Variants in PIAS4 observed in about 807,000 individuals in gnomAD.
PIAS4 encodes the protein E3 SUMO-protein ligase PIAS4.
Under a neutral mutation model 58.0 loss-of-function variants are expected in PIAS4, and 7 were observed. The ratio of observed to expected loss-of-function variants is 0.12; its 90% CI spans 0.07 to 0.23. The LOEUF (loss-of-function observed/expected upper bound fraction) is 0.23, where lower values mean the gene tolerates loss of function less well. PIAS4 is among the 10% of genes least tolerant of loss of function. The pLI is 1.00. For synonymous variants in PIAS4, 364 were observed against 312.4 expected (o/e 1.17, Z -1.74); for missense variants, 550 against 709.5 (o/e 0.78, Z 2.55).
At chr19:4,032,840 G>C (rs1021950859) in intron 7 of PIAS4, among the ~76,000 whole-genome samples, 3 of 152,214 alleles carry the variant, frequency 2.0e-5, no homozygotes, top group Non-Finnish European at 1.5e-5. Flanking sequence ...CACGCAGGGT[G>C]GGGGAGGCCA....
chr19:4,017,028 C>A (rs2040059405), intron 2 of PIAS4, among the ~76,000 whole-genome samples: 1 of 152,152 alleles, frequency 6.6e-6, no homozygotes, highest in South Asian at 2.1e-4. Flanking sequence ...GGCCTGCTGC[C>A]CGCCCAGGCC....
chr19:4,029,575 C>T (rs2040202822), intron 7 of PIAS4, among the ~76,000 whole-genome samples: 5 of 151,224 alleles, frequency 3.3e-5, no homozygotes, highest in Admixed American at 2.6e-4. Context: ...TTTAGAGAGT[C>T]AGGGTCTCTG....
At chr19:4,026,768 C>T (rs2040169088) in intron 3 of PIAS4, among the ~76,000 whole-genome samples, 1 of 151,692 alleles carries the variant, frequency 6.6e-6, no homozygotes, top group Non-Finnish European at 1.5e-5. Flanking sequence ...CTGCAATCTC[C>T]GCCTCCCAGG....
At chr19:4,028,390 C>T (rs985300269) in intron 4 of PIAS4, 120 bp from the exon 5 acceptor site, 10 of 829,014 alleles carry the variant, frequency 1.2e-5, no homozygotes, top group Admixed American at 2.1e-5. Flanking sequence ...TGATACCCCC[C>T]GTGTCACATT....
intron 9 of PIAS4, among the ~76,000 whole-genome samples, chr19:4,035,869 TCTCA>T (rs1599234195): frequency 6.8e-3 from 17 of 2,488 alleles, no homozygotes; most frequent in South Asian, 0.019. Context: ...GTCCACACCG[TCTCA>T]CACACACACC....
intron 1 of PIAS4, among the ~76,000 whole-genome samples, chr19:4,011,325 C>T (rs1312936322): frequency 6.6e-6 from 1 of 152,232 alleles, no homozygotes; most frequent in Non-Finnish European, 1.5e-5. Context: ...GGGTGGGTGG[C>T]CCTGAAACCC....
rs2040243322 is a variant in PIAS4, at chr19:4,033,443, G to A, written c.1005G>A (p.Val335=). ...ICPLVKMRLS[V]PCRAETCAHL... is the part of the protein sequence containing the mutation. ...AGCTGGTGAAGATGCGGCTCTCCGT[G>A]CCCTGCCGGGCAGAGACCTGTGCCC... The change falls in exon 9 of 11, where the codon GTG becomes GTA. Residue 335 remains valine (V), a synonymous_variant. Coordinates refer to ENST00000262971, the MANE Select transcript of PIAS4 (RefSeq NM_015897.4). 6.4e-7 allele frequency: 1 copy of A among 1,559,772 alleles called. No individual in the cohort carries two copies. Among genetic ancestry groups the A allele is most frequent in the Non-Finnish European group, 8.7e-7 (1 of 1,152,754 alleles).
intron 2 of PIAS4, chr19:4,018,606 G>A (rs1024055945): frequency 6.6e-6 from 1 of 152,316 alleles, no homozygotes; most frequent in South Asian, 2.1e-4. Flanking sequence ...CCTTGCCTTG[G>A]TCCCGTGGCC....
intron 1 of PIAS4, among the ~76,000 whole-genome samples, chr19:4,012,431 T>C (rs989392329): frequency 5.3e-5 from 8 of 152,086 alleles, no homozygotes; most frequent in African/African-American, 1.4e-4. Flanking sequence ...CTAAGTAAAC[T>C]GTGGCTACCG....
chr19:4,015,874 C>G (rs1027446545), intron 2 of PIAS4, among the ~76,000 whole-genome samples: 3 of 152,226 alleles, frequency 2.0e-5, no homozygotes, highest in African/African-American at 7.2e-5. Context: ...AGCCATAAAT[C>G]ACGCGGTGCG....
chr19:4,022,259 ATTG>A (rs546742130), intron 2 of PIAS4, among the ~76,000 whole-genome samples: 51 of 151,964 alleles, frequency 3.4e-4, no homozygotes, highest in Non-Finnish European at 7.1e-4. Flanking sequence ...GGTCTGTACT[ATTG>A]TTCTTTCATT....
chr19:4,032,877 C>T (rs897029550), intron 7 of PIAS4, among the ~76,000 whole-genome samples: 1 of 152,180 alleles, frequency 6.6e-6, no homozygotes, highest in African/African-American at 2.4e-5. Flanking sequence ...GTGGGGGCTT[C>T]GGCTGGGTCT....
At position 4,028,159 on chromosome 19, in the gene PIAS4, G is replaced by A. The variant is rs779225437; in HGVS notation, c.553G>A (p.Gly185Arg). The A allele has an allele frequency of 5.6e-6, 9 of 1,613,198 alleles. No individual in the cohort carries two copies. The highest frequency in any genetic ancestry group is 1.3e-5 in the African/African-American group (1 of 74,844). The change falls in exon 4 of 11, where the codon GGA becomes AGA. Residue 185 changes from glycine to arginine, a missense_variant. By Grantham distance (125) the Gly-to-Arg change is moderately radical. This residue lies in a region of PIAS4 where 225 missense variants were observed against 345.8 expected (regional missense o/e 0.65). Transcript: ENST00000262971. ...LIRNSRELQPGVKAVQVVLRI... is the reference protein window; with the variant it reads ...LIRNSRELQPRVKAVQVVLRI... The stretch of plus-strand genomic sequence containing the variant: ...CCACACCCACAGGGAACTGCAGCCC[G>A]GAGTTAAAGCCGTGCAGGTCGTCCT...
intron 2 of PIAS4, among the ~76,000 whole-genome samples, chr19:4,019,537 T>A (rs2040087757): frequency 6.6e-6 from 1 of 152,132 alleles, no homozygotes; most frequent in Non-Finnish European, 1.5e-5. Context: ...GGTGTCTGTG[T>A]TTTCACCTCC....
At chr19:4,032,497 C>G (rs1032700813) in intron 7 of PIAS4, among the ~76,000 whole-genome samples, 1 of 152,230 alleles carries the variant, frequency 6.6e-6, no homozygotes, top group African/African-American at 2.4e-5. Context: ...TGCTGCCCGT[C>G]GAGGGGAGGG....
At chr19:4,029,079 C>CCCTGGAAA in intron 7 of PIAS4, 43 bp downstream of exon 7, 1 of 1,402,000 alleles carries the variant, frequency 7.1e-7, no homozygotes, top group South Asian at 1.2e-5. Context: ...GCCAAGTCCA[C>CCCTGGAAA]CCTGGAAACC....
rs201000018 is a variant in PIAS4, at chr19:4,033,218, G to C, written c.981+45G>C. ...CCTCCTCGAGGCCTCTCCTGCGGCC[G>C]GCCTTCCCCCCTGGCGGCCCTGGGC... On this transcript the variant is annotated intron_variant, in intron 8 of 10. Coordinates refer to ENST00000262971, the MANE Select transcript of PIAS4 (RefSeq NM_015897.4). 394 of 1,563,304 alleles carry C rather than the reference G, an allele frequency of 2.5e-4. 1 individual carries two copies. The highest frequency in any genetic ancestry group is 5.0e-4 in the Middle Eastern group (3 of 6,012).
chr19:4,018,267 G>T (rs995720227), intron 2 of PIAS4, among the ~76,000 whole-genome samples: 1 of 152,212 alleles, frequency 6.6e-6, no homozygotes, highest in Non-Finnish European at 1.5e-5. Context: ...GGTGCTTGCC[G>T]CCTTCTCCCT....
Position 4,028,531 on chromosome 19 carries a change from C to G in PIAS4, c.603C>G (p.Ser201Arg). 6.2e-7 allele frequency: 1 copy of G among 1,612,916 alleles called. No homozygotes were observed. ...VVLRICYSDT[S>R]CPQEDQYPPN... ...GCAGAATCTGTTACTCAGACACCAG[C>G]TGCCCTCAGGAGGACCAGTACCCGC... The change falls in exon 5 of 11, where the codon AGC becomes AGG. Residue 201 changes from serine to arginine, a missense_variant. Coordinates refer to ENST00000262971, the MANE Select transcript of PIAS4 (RefSeq NM_015897.4).
Sources: allele counts gnomAD v4.1 joint callset (sites outside exome capture counted in the v4.1 genomes callset), GRCh38; gene constraint gnomAD v4.1.1; regional missense constraint gnomAD v4.1.1; transcripts MANE v1.5; gene names NCBI Gene and HGNC (gene_info 2026-07-23, HGNC 2026-07-21).